The following TRIO variants were observed in gnomAD, a reference collection of about 807,000 sequenced individuals.
TRIO encodes the protein triple functional domain protein.
Under a neutral mutation model 351.9 loss-of-function variants are expected in TRIO, and 58 were observed. The ratio of observed to expected loss-of-function variants is 0.16; its 90% CI spans 0.13 to 0.21. The LOEUF (loss-of-function observed/expected upper bound fraction) is 0.21. TRIO is among the 10% of genes least tolerant of loss of function. The probability of loss-of-function intolerance (pLI) is 1.00; values close to 1 mark genes in which losing one functional copy is unlikely to be tolerated. For synonymous variants in TRIO, 1,758 were observed against 1,595.7 expected (o/e 1.10, Z -2.42); for missense variants, 3,201 against 4,027.8 (o/e 0.79, Z 5.56).
At chr5:14,222,958 G>A (rs866459490) in intron 1 of TRIO, among the ~76,000 whole-genome samples, 1 of 152,150 alleles carries the variant, frequency 6.6e-6, no homozygotes, top group Non-Finnish European at 1.5e-5. Flanking sequence ...GGCGTCTCCC[G>A]GATCAAAAAT....
intron 2 of TRIO, among the ~76,000 whole-genome samples, chr5:14,271,510 A>G (rs1795972418): frequency 6.6e-6 from 1 of 152,196 alleles, no homozygotes; most frequent in South Asian, 2.1e-4. Flanking sequence ...GGGGCACCTA[A>G]CTGCCCTCTC....
At chr5:14,422,023 G>A (rs569015650) in intron 34 of TRIO, among the ~76,000 whole-genome samples, 57 of 152,308 alleles carry the variant, frequency 3.7e-4, no homozygotes, top group African/African-American at 1.2e-3. Context: ...GGCATGTGCC[G>A]GCCTGCCCAT....
intron 41 of TRIO, 156 bp downstream of exon 41, chr5:14,477,119 C>T: frequency 1.6e-6 from 1 of 639,754 alleles, no homozygotes; most frequent in Non-Finnish European, 2.6e-6. Flanking sequence ...AATTAAAATC[C>T]CTTCTTCAAC....
chr5:14,460,032 CAGCCTCCTG>C, intron 34 of TRIO, among the ~76,000 whole-genome samples: 1 of 152,108 alleles, frequency 6.6e-6, no homozygotes, highest in Non-Finnish European at 1.5e-5. Context: ...TCTCCTGCCT[CAGCCTCCTG>C]AGTAGCTGGG....
intron 37 of TRIO, among the ~76,000 whole-genome samples, chr5:14,470,160 T>A (rs1051563492): frequency 6.6e-6 from 1 of 152,248 alleles, no homozygotes; most frequent in Non-Finnish European, 1.5e-5. Flanking sequence ...AAAAATAAGA[T>A]CAGCAGTTGG....
At chr5:14,344,931 T>C (rs1472039839) in intron 11 of TRIO, among the ~76,000 whole-genome samples, 3 of 152,220 alleles carry the variant, frequency 2.0e-5, no homozygotes, top group Non-Finnish European at 2.9e-5. Flanking sequence ...TACACATCAC[T>C]AAGTACAAAG....
intron 1 of TRIO, among the ~76,000 whole-genome samples, chr5:14,202,896 A>T (rs1443281581): frequency 6.6e-6 from 1 of 151,798 alleles, no homozygotes; most frequent in Admixed American, 6.6e-5. Context: ...TGTCTTTATC[A>T]GCCATGTGAA....
At chr5:14,483,921 A>G (rs1173234635) in intron 46 of TRIO, among the ~76,000 whole-genome samples, 2 of 151,878 alleles carry the variant, frequency 1.3e-5, no homozygotes, top group Non-Finnish European at 2.9e-5. Context: ...CATGCCCTGA[A>G]CTGTGCACCC....
chr5:14,498,221 A>G lies in TRIO; in HGVS notation c.8180A>G (p.Asn2727Ser). The part of the protein sequence containing the change: ...TWKGPEHNTL[N>S]NDGHYSISYS... ...AAGGGCCCTGAACACAACACCTTGA[A>G]CAACGATGGTCACTACAGCATCTCC... The change falls in exon 52 of 57, where the codon AAC becomes AGC. Residue 2727 changes from asparagine (N) to serine (S), a missense_variant. Around this residue, in one of 19 missense-constraint regions of TRIO, gnomAD observed 1,089 missense variants for 954.9 expected, o/e 1.14. Transcript: ENST00000344204. The G allele has an allele frequency of 1.2e-6, 2 of 1,614,248 alleles. No individual in the cohort carries two copies. Among genetic ancestry groups the G allele is most frequent in the Non-Finnish European group, 1.7e-6 (2 of 1,180,036 alleles).
intron 46 of TRIO, 140 bp downstream of exon 46, chr5:14,482,913 A>G (rs1410900602): frequency 1.2e-6 from 1 of 808,920 alleles, no homozygotes; most frequent in Non-Finnish European, 1.8e-6. Flanking sequence ...AGAGCCTTGA[A>G]TTCACCCCAT....
intron 35 of TRIO, among the ~76,000 whole-genome samples, chr5:14,462,376 T>A (rs1163268950): frequency 6.6e-6 from 1 of 152,226 alleles, no homozygotes; most frequent in East Asian, 1.9e-4. Context: ...TTCAGTGAAC[T>A]TTTCTATAGC....
At chr5:14,357,577 A>G (rs999051080) in intron 11 of TRIO, among the ~76,000 whole-genome samples, 1 of 151,392 alleles carries the variant, frequency 6.6e-6, no homozygotes, top group African/African-American at 2.4e-5. Flanking sequence ...CAGCATGCAC[A>G]CTCTTTCCGT....
chr5:14,223,583 A>T (rs1392195179), intron 1 of TRIO, among the ~76,000 whole-genome samples: 3 of 152,132 alleles, frequency 2.0e-5, no homozygotes, highest in Non-Finnish European at 1.5e-5. Flanking sequence ...ACAGAGAAGG[A>T]TTTACTTTCA....
intron 31 of TRIO, among the ~76,000 whole-genome samples, chr5:14,403,697 T>TAGGTGGTGGTGAGGGTGC (rs1561448729): frequency 6.2e-5 from 3 of 48,410 alleles, no homozygotes; most frequent in African/African-American, 2.3e-4. Context: ...GGTGAGGGTG[T>TAGGTGGTGGTGAGGGTGC]AGGTTGTGGT....
At chr5:14,355,136 A>G (rs973992310) in intron 11 of TRIO, among the ~76,000 whole-genome samples, 1 of 152,152 alleles carries the variant, frequency 6.6e-6, no homozygotes, top group African/African-American at 2.4e-5. Context: ...ACCCCACCCC[A>G]CCACCTGCAT....
At chr5:14,323,395 C>G (rs1740064512) in intron 9 of TRIO, among the ~76,000 whole-genome samples, 1 of 151,990 alleles carries the variant, frequency 6.6e-6, no homozygotes, top group African/African-American at 2.4e-5. Flanking sequence ...CTAAGCTAAG[C>G]AAAGAGTAAA....
At chr5:14,179,142 G>A (rs1385916445) in intron 1 of TRIO, among the ~76,000 whole-genome samples, 2 of 152,066 alleles carry the variant, frequency 1.3e-5, no homozygotes, top group Non-Finnish European at 2.9e-5. Flanking sequence ...TGCTGCTCCC[G>A]GCCAGCACGT....
chr5:14,387,565 T>C lies in TRIO; in HGVS notation c.3698T>C (p.Leu1233Pro). ...GATAAGAGGTACAGAGATTTCTCTC[T>C]GCGGATGGAGAAGTACAGGACCTCT... is the stretch of plus-strand genomic sequence containing the variant. ...AVDKRYRDFS[L>P]RMEKYRTSLE... The change falls in exon 22 of 57, where the codon CTG becomes CCG. Residue 1233 changes from leucine to proline, a missense_variant. By Grantham distance (98) the Leu-to-Pro change is moderately conservative. Coordinates refer to ENST00000344204, the MANE Select transcript of TRIO (RefSeq NM_007118.4). 6 of 1,614,250 alleles carry C rather than the reference T, an allele frequency of 3.7e-6. No individual in the cohort carries two copies. The highest frequency in any genetic ancestry group is 5.1e-6 in the Non-Finnish European group (6 of 1,180,030).
intron 56 of TRIO, among the ~76,000 whole-genome samples, chr5:14,507,644 C>T (rs1757800999): frequency 6.6e-6 from 1 of 152,118 alleles, no homozygotes; most frequent in Non-Finnish European, 1.5e-5. Context: ...GGCTACTTGG[C>T]ACTTAGATCT....
Sources: gnomAD v4.1 joint callset for allele counts (sites outside exome capture counted in the v4.1 genomes callset) on GRCh38, gnomAD v4.1.1 for gene constraint, gnomAD v4.1.1 regional missense constraint, MANE v1.5 for transcripts, NCBI Gene and HGNC (gene_info 2026-07-23, HGNC 2026-07-21) for gene names.